The following MCF2L variants were observed in gnomAD, a reference collection of about 807,000 sequenced individuals.
The protein encoded by MCF2L is MCF.2 cell line derived transforming sequence like.
Under a neutral mutation model 153.4 loss-of-function variants are expected in MCF2L, and 97 were observed. That is an observed-to-expected ratio of 0.63 (90% confidence interval 0.54 to 0.75). The LOEUF is 0.75. Ranked by LOEUF, MCF2L falls within the 30% of genes least tolerant of loss-of-function variation. MCF2L has a pLI of 0.00. For missense variants in MCF2L, 1,347 were observed against 1,495.2 expected, an observed-to-expected ratio of 0.90 and a Z score of 1.64; for synonymous variants, 659 against 632.2, an observed-to-expected ratio of 1.04 and a Z score of -0.64.
At position 113,058,370 on chromosome 13, in the gene MCF2L, G is replaced by A. The variant is rs187790982; in HGVS notation, c.370-2223G>A. On this transcript the variant is annotated intron_variant, in intron 4 of 29. Coordinates refer to ENST00000535094, the MANE Select transcript of MCF2L (RefSeq NM_001112732.3). ...CTGTGTGTTTGGTCACTGAGTGGGC[G>A]CTAAGTGGGTGCTGAGTGTTTTGGT... 9.2e-4 allele frequency among the ~76,000 whole-genome samples: 137 copies of A among 148,474 alleles called. 1 individual carries two copies. The highest frequency in any genetic ancestry group is 3.2e-3 in the African/African-American group (127 of 40,184).
intron 2 of MCF2L, 41 bp from the exon 3 acceptor site, chr13:113,024,603 T>C: frequency 7.2e-7 from 1 of 1,383,412 alleles, no homozygotes; most frequent in Non-Finnish European, 1.0e-6. Flanking sequence ...CCCGGGGGCA[T>C]GGAGCCCTCG....
chr13:113,022,677 C>T (rs1364858091), intron 2 of MCF2L, among the ~76,000 whole-genome samples: 3 of 152,368 alleles, frequency 2.0e-5, no homozygotes, highest in Admixed American at 6.5e-5. Context: ...TTAATGGCGA[C>T]TGAAAAGTTG....
In MCF2L at chr13:113,094,740, A is replaced by G; in HGVS notation, c.3075+105A>G. On this transcript the variant is annotated intron_variant, in intron 27 of 29. Transcript: ENST00000535094. ...GGCTTGGGTCTTAGGACACAGCCCC[A>G]GCTCCTCCTAACCCTGGAAGGTCCA... is the stretch of plus-strand genomic sequence containing the variant. 1.4e-6 allele frequency: 2 copies of G among 1,380,880 alleles called. 1 individual carries two copies. The highest frequency in any genetic ancestry group is 2.8e-5 in the South Asian group (2 of 70,568). The allele number at this position is 1,380,880 out of a possible 1,614,324, so 85.5% of individuals were successfully genotyped here. A position where few individuals can be genotyped will look rare whatever the true frequency, so the allele number is the denominator to read the frequency against.
At chr13:113,059,697 G>A (rs2031046433) in intron 4 of MCF2L, among the ~76,000 whole-genome samples, 2 of 152,198 alleles carry the variant, frequency 1.3e-5, no homozygotes, top group South Asian at 4.1e-4. Flanking sequence ...GGTGTCATGA[G>A]TAGGCACTGC....
rs2081693818 is a variant in MCF2L, at chr13:112,951,521, C to T, written c.169+49150C>T. ...ATGAACTATTGATACCTGTGACAAC[C>T]TGGATGAACTCTCCAGAGAATTATG... On this transcript the variant is annotated intron_variant, in intron 2 of 29. Transcript: ENST00000375608. The surrounding 1 kb of genome is among the most constrained non-coding windows in gnomAD (Gnocchi z 4.8). Among the ~76,000 whole-genome samples, 1 of 152,188 alleles carries T rather than the reference C, an allele frequency of 6.6e-6. No individual in the cohort carries two copies. Among genetic ancestry groups the T allele is most frequent in the African/African-American group, 2.4e-5 (1 of 41,436 alleles).
intron 1 of MCF2L, among the ~76,000 whole-genome samples, chr13:112,994,924 C>T (rs1308837210): frequency 2.0e-5 from 3 of 152,226 alleles, no homozygotes; most frequent in African/African-American, 7.2e-5. Flanking sequence ...GTTTTATCGC[C>T]CAAAAAGGGG....
At chr13:112,896,061 G>A (rs1053714598) in intron 1 of MCF2L, among the ~76,000 whole-genome samples, 1 of 152,220 alleles carries the variant, frequency 6.6e-6, no homozygotes, top group Non-Finnish European at 1.5e-5. Context: ...AACGTTAGAC[G>A]GTGGGCTTAG....
At chr13:112,896,295 G>C (rs1253288200) in intron 1 of MCF2L, among the ~76,000 whole-genome samples, 7 of 152,126 alleles carry the variant, frequency 4.6e-5, no homozygotes, top group Admixed American at 4.6e-4. Context: ...TCCTCCTGAG[G>C]TTTCCCTTTA....
At chr13:113,018,845 C>T (rs1477063635) in intron 2 of MCF2L, among the ~76,000 whole-genome samples, 1 of 152,232 alleles carries the variant, frequency 6.6e-6, no homozygotes, top group Non-Finnish European at 1.5e-5. Context: ...GACGGCGGCC[C>T]CCCTCCCACT....
At chr13:113,037,139 C>T (rs1453280239) in intron 3 of MCF2L, among the ~76,000 whole-genome samples, 3 of 152,176 alleles carry the variant, frequency 2.0e-5, no homozygotes, top group Non-Finnish European at 2.9e-5. Flanking sequence ...AACAGCCTGC[C>T]GTGTTCTTGG....
intron 25 of MCF2L, 106 bp from the exon 26 acceptor site, chr13:113,089,504 C>T: frequency 2.7e-6 from 2 of 752,122 alleles, no homozygotes; most frequent in East Asian, 2.4e-5. Flanking sequence ...GCTTTAGGAT[C>T]AGGCCGGGAG....
chr13:113,077,162 G>A lies in MCF2L; in HGVS notation c.1611G>A (p.Pro537=), dbSNP rs764660917. ...LAARQTRPVQ[P]VAPRPEALAK... ...CCAGGCAGACGCGGCCCGTGCAGCC[G>A]GTGGCCCCCAGACCCGAGGCACTGG... The change falls in exon 13 of 30, where the codon CCG becomes CCA. Residue 537 remains proline, a synonymous_variant. Coordinates refer to ENST00000535094, the MANE Select transcript of MCF2L (RefSeq NM_001112732.3). 42 of 1,610,172 alleles carry A rather than the reference G, an allele frequency of 2.6e-5. No homozygotes were observed. The highest frequency in any genetic ancestry group is 1.6e-4 in the Middle Eastern group (1 of 6,068).
chr13:113,033,870 A>G (rs2085961726), intron 3 of MCF2L: 1 of 167,190 alleles, frequency 6.0e-6, no homozygotes, highest in South Asian at 2.1e-4. Flanking sequence ...TCTCCACATC[A>G]GCATTTTGTT....
At chr13:113,088,252 T>A (rs893924872) in intron 23 of MCF2L, 75 bp from the exon 24 acceptor site, 2 of 1,229,020 alleles carry the variant, frequency 1.6e-6, no homozygotes, top group African/African-American at 3.0e-5. Context: ...CTTTGGATGT[T>A]CCGAGAGTGA....
chr13:113,001,896 C>T lies in MCF2L; in HGVS notation c.80-12867C>T, dbSNP rs959353696. 3 of 1,587,370 alleles carry T rather than the reference C, an allele frequency of 1.9e-6. No individual in the cohort carries two copies. The African/African-American group carries it at 4.0e-5, about 21-fold the overall frequency. On this transcript the variant is annotated intron_variant, in intron 1 of 29. Transcript: ENST00000535094. Reference sequence around the variant, plus strand: ...CGGGAGCCGGGTCGGGGGCTCCTGACTCGCACTGGGCAGCATGACGGTGCG... The same window carrying T: ...CGGGAGCCGGGTCGGGGGCTCCTGATTCGCACTGGGCAGCATGACGGTGCG...
intron 2 of MCF2L, among the ~76,000 whole-genome samples, chr13:112,950,904 C>T (rs1245267904): frequency 6.6e-6 from 1 of 152,168 alleles, no homozygotes; most frequent in Non-Finnish European, 1.5e-5. Flanking sequence ...GCATTGAAAA[C>T]TTATGCTGTG....
chr13:112,971,958 T>G (rs1461425945), intron 1 of MCF2L, among the ~76,000 whole-genome samples: 2 of 152,260 alleles, frequency 1.3e-5, no homozygotes, highest in Non-Finnish European at 1.5e-5. Context: ...AACTACAGCA[T>G]GTACATGCGT....
At chr13:112,924,887 G>A (rs1046880139) in intron 2 of MCF2L, among the ~76,000 whole-genome samples, 3 of 151,802 alleles carry the variant, frequency 2.0e-5, no homozygotes, top group Non-Finnish European at 2.9e-5. Context: ...AACAAGGACA[G>A]GTGAATGGAA....
chr13:112,936,988 C>T (rs2081521317), intron 2 of MCF2L, among the ~76,000 whole-genome samples: 2 of 152,218 alleles, frequency 1.3e-5, no homozygotes. Flanking sequence ...ATCCAAACCT[C>T]ACAGATATGA....
Sources: allele counts gnomAD v4.1 joint callset (sites outside exome capture counted in the v4.1 genomes callset), GRCh38; gene constraint gnomAD v4.1.1; non-coding constraint Gnocchi (gnomAD v3.1); transcripts MANE v1.5; gene names NCBI Gene and HGNC (gene_info 2026-07-23, HGNC 2026-07-21).